LRRTM4: variants seen among roughly 807,000 people sequenced by gnomAD.
LRRTM4 encodes the protein leucine-rich repeat transmembrane neuronal protein 4.
In LRRTM4, 25 loss-of-function variants were observed where a neutral mutation model predicts 47.6. The observed-to-expected ratio is 0.53, with a 90% CI of 0.38 to 0.73. The LOEUF is 0.73. Among genes scored for constraint, LRRTM4 ranks in the 30% least tolerant of loss-of-function variants. The probability of loss-of-function intolerance (pLI) is 0.00; values close to 1 mark genes in which losing one functional copy is unlikely to be tolerated. For missense variants in LRRTM4, 638 were observed against 713.4 expected (o/e 0.89, Z 1.20); for synonymous variants, 311 against 269.5 (o/e 1.15, Z -1.51).
intron 3 of LRRTM4, among the ~76,000 whole-genome samples, chr2:76,926,468 G>A (rs1674592447): frequency 6.6e-6 from 1 of 152,042 alleles, no homozygotes; most frequent in East Asian, 1.9e-4. Flanking sequence ...TACATTTTGG[G>A]CCCGAGGTTA....
At chr2:76,868,827 C>CT (rs1416129539) in intron 3 of LRRTM4, among the ~76,000 whole-genome samples, 1 of 151,998 alleles carries the variant, frequency 6.6e-6, no homozygotes, top group Non-Finnish European at 1.5e-5. Context: ...TCTGGGCAGT[C>CT]TTTTTTTACC....
intron 3 of LRRTM4, among the ~76,000 whole-genome samples, chr2:77,261,568 AT>A: frequency 6.6e-6 from 1 of 152,012 alleles, no homozygotes; most frequent in East Asian, 1.9e-4. Context: ...TGAAGTCTTT[AT>A]TATTTTTTTT....
At chr2:76,873,151 A>G (rs573954294) in intron 3 of LRRTM4, among the ~76,000 whole-genome samples, 1 of 152,268 alleles carries the variant, frequency 6.6e-6, no homozygotes, top group African/African-American at 2.4e-5. Context: ...CATAAACGGT[A>G]CACAAAAATC....
chr2:77,261,623 C>A (rs892995101), intron 3 of LRRTM4, among the ~76,000 whole-genome samples: 1 of 151,736 alleles, frequency 6.6e-6, no homozygotes, highest in African/African-American at 2.4e-5. Context: ...CCTGGGGTCC[C>A]GGAAAAGGGT....
intron 3 of LRRTM4, among the ~76,000 whole-genome samples, chr2:77,499,539 A>C (rs1678492807): frequency 2.6e-5 from 4 of 151,896 alleles, no homozygotes; most frequent in Admixed American, 2.0e-4. Context: ...TTCTGCAATG[A>C]TTTTAGTTCC....
At chr2:77,368,700 G>A (rs531240733) in intron 3 of LRRTM4, among the ~76,000 whole-genome samples, 34 of 151,820 alleles carry the variant, frequency 2.2e-4, no homozygotes, top group South Asian at 8.3e-4. Flanking sequence ...ATGGCTCTTG[G>A]TTAGTTACAG....
intron 3 of LRRTM4, among the ~76,000 whole-genome samples, chr2:77,287,915 C>T (rs1676709490): frequency 6.6e-6 from 1 of 152,094 alleles, no homozygotes; most frequent in African/African-American, 2.4e-5. Flanking sequence ...GGAAGCTATC[C>T]TCCATGGATA....
intron 3 of LRRTM4, among the ~76,000 whole-genome samples, chr2:77,018,270 T>C (rs1678144311): frequency 6.8e-6 from 1 of 147,618 alleles, no homozygotes; most frequent in African/African-American, 2.5e-5. Context: ...TTTTTTTTTT[T>C]TTTTTTTGTC....
chr2:77,328,334 C>CTAT (rs1670855055), intron 3 of LRRTM4, among the ~76,000 whole-genome samples: 2 of 152,134 alleles, frequency 1.3e-5, no homozygotes, highest in African/African-American at 4.8e-5. Context: ...AGCAACCTTG[C>CTAT]CAGCTTTGGA....
chr2:76,788,292 G>C lies in LRRTM4; in HGVS notation c.1552-39376C>G, dbSNP rs180817534. Among the ~76,000 whole-genome samples the C allele has an allele frequency of 2.6e-5, 4 of 152,298 alleles. No homozygotes were observed. In the East Asian group the frequency reaches 7.7e-4, roughly 29 times the overall value. ...GAGAGGGGACAACATCTGAGAGTTA[G>C]ACAAGAAAAGGAGTCACATAGTCAC... On this transcript the variant is annotated intron_variant, in intron 3 of 3. Transcript: ENST00000409884.
chr2:76,817,218 T>C (rs1402901507), intron 3 of LRRTM4, among the ~76,000 whole-genome samples: 2 of 151,938 alleles, frequency 1.3e-5, no homozygotes, highest in Non-Finnish European at 2.9e-5. Flanking sequence ...GTTTTTAGTA[T>C]CAATGAATCA....
intron 3 of LRRTM4, among the ~76,000 whole-genome samples, chr2:76,765,172 A>G (rs902496206): frequency 6.6e-6 from 1 of 152,228 alleles, no homozygotes; most frequent in Non-Finnish European, 1.5e-5. Context: ...TCTCTCTGTT[A>G]GAATAGGTCG....
chr2:77,336,978 T>C (rs574113148), intron 3 of LRRTM4, among the ~76,000 whole-genome samples: 1 of 152,208 alleles, frequency 6.6e-6, no homozygotes, highest in South Asian at 2.1e-4. Context: ...CTCAAGATTC[T>C]GACAAAATGC....
chr2:77,283,800 A>G (rs1209618068), intron 3 of LRRTM4, among the ~76,000 whole-genome samples: 2 of 152,002 alleles, frequency 1.3e-5, no homozygotes, highest in Non-Finnish European at 2.9e-5. Context: ...ACTTGGCAAC[A>G]ATAAAAACTG....
chr2:76,940,122 A>G (rs1483739463), intron 3 of LRRTM4, among the ~76,000 whole-genome samples: 1 of 152,198 alleles, frequency 6.6e-6, no homozygotes, highest in Non-Finnish European at 1.5e-5. Flanking sequence ...TGTTCAACCC[A>G]GCAACCCCAC....
intron 3 of LRRTM4, among the ~76,000 whole-genome samples, chr2:77,229,751 A>G (rs1054196134): frequency 6.6e-6 from 1 of 152,180 alleles, no homozygotes; most frequent in South Asian, 2.1e-4. Context: ...TCAAGTATAC[A>G]TGCGGCTCAG....
chr2:77,494,373 C>T (rs17648731), intron 3 of LRRTM4, among the ~76,000 whole-genome samples: 28,510 of 151,982 alleles, frequency 0.19, 3,041 homozygotes, highest in Non-Finnish European at 0.25. Flanking sequence ...TGTGATGTTG[C>T]GCATTGCTGT....
intron 3 of LRRTM4, among the ~76,000 whole-genome samples, chr2:76,784,690 G>T (rs1223763548): frequency 1.3e-5 from 2 of 152,022 alleles, no homozygotes; most frequent in Non-Finnish European, 2.9e-5. Context: ...AGCTTCCTAA[G>T]TTCTTATTAA....
intron 3 of LRRTM4, among the ~76,000 whole-genome samples, chr2:77,026,919 A>T (rs1278420305): frequency 6.6e-6 from 1 of 152,140 alleles, no homozygotes; most frequent in East Asian, 1.9e-4. Context: ...TGTTATTTTG[A>T]AGGAAAATAT....
Sources: gnomAD v4.1 joint callset for allele counts (sites outside exome capture counted in the v4.1 genomes callset) on GRCh38, gnomAD v4.1.1 for gene constraint, MANE v1.5 for transcripts, NCBI Gene and HGNC (gene_info 2026-07-23, HGNC 2026-07-21) for gene names.